EVC2: variants seen among roughly 807,000 people sequenced by gnomAD.
The protein encoded by EVC2 is limbin.
In EVC2, 148 loss-of-function variants were observed where a neutral mutation model predicts 149.3. The observed-to-expected ratio is 0.99, with a 90% confidence interval of 0.87 to 1.14. The LOEUF (loss-of-function observed/expected upper bound fraction) is 1.14, where lower values mean the gene tolerates loss of function less well. EVC2 is among the 50% of genes most tolerant of loss of function. The probability of loss-of-function intolerance (pLI) is 0.00; values close to 1 mark genes in which losing one functional copy is unlikely to be tolerated. For missense variants in EVC2, 1,854 were observed against 1,627.3 expected (o/e 1.14, Z -2.40); for synonymous variants, 776 against 649.9 (o/e 1.19, Z -2.95).
intron 11 of EVC2, among the ~76,000 whole-genome samples, chr4:5,629,808 C>T (rs754518490): frequency 1.3e-5 from 2 of 152,232 alleles, no homozygotes; most frequent in Non-Finnish European, 2.9e-5. Flanking sequence ...CTGCTCTCCA[C>T]CTAGCGGGAT....
intron 16 of EVC2, among the ~76,000 whole-genome samples, chr4:5,588,992 T>C (rs896704567): frequency 1.3e-5 from 2 of 152,210 alleles, no homozygotes; most frequent in African/African-American, 4.8e-5. Flanking sequence ...CAGTTCTGGA[T>C]TGGTTTCAAT....
chr4:5,681,330 GAA>G lies in EVC2; in HGVS notation c.817-19_817-18del. 6.2e-7 allele frequency: 1 copy of G among 1,614,112 alleles called. No homozygotes were observed. Among genetic ancestry groups the G allele is most frequent in the Non-Finnish European group, 8.5e-7 (1 of 1,179,986 alleles). ...TGTTCTGTTCTAGAAAAGGAAAAAA[GAA>G]AACACTTTCAGCAACAGTTTGGGGT... On this transcript the variant is annotated intron_variant, in intron 6 of 21. Coordinates refer to ENST00000344408, the MANE Select transcript of EVC2 (RefSeq NM_147127.5).
At chr4:5,639,434 G>A (rs776532611) in intron 10 of EVC2, among the ~76,000 whole-genome samples, 8 of 152,224 alleles carry the variant, frequency 5.3e-5, no homozygotes, top group Non-Finnish European at 1.0e-4. Context: ...GCTGATTTCT[G>A]AGCAATCTAG....
intron 9 of EVC2, among the ~76,000 whole-genome samples, chr4:5,645,505 C>T (rs780808872): frequency 5.3e-5 from 8 of 151,986 alleles, no homozygotes; most frequent in Admixed American, 2.0e-4. Flanking sequence ...AGTGAGAATA[C>T]GCGGTGTTTG....
intron 18 of EVC2, among the ~76,000 whole-genome samples, chr4:5,575,176 C>A (rs993414460): frequency 6.6e-6 from 1 of 152,276 alleles, no homozygotes. Context: ...AGGATGACAC[C>A]TTTTCACATG....
At chr4:5,662,590 T>C (rs1353060889) in intron 9 of EVC2, among the ~76,000 whole-genome samples, 1 of 144,316 alleles carries the variant, frequency 6.9e-6, no homozygotes, top group African/African-American at 2.5e-5. Flanking sequence ...ATTAATCATA[T>C]TTATTTTAAT....
the EVC2 span, among the ~76,000 whole-genome samples, chr4:5,533,689 C>T: frequency 3.9e-5 from 6 of 152,154 alleles, no homozygotes; most frequent in African/African-American, 1.4e-4. Flanking sequence ...TGCCAGAGTT[C>T]GTTTGCTGGA....
downstream of EVC2, among the ~76,000 whole-genome samples, chr4:5,559,096 G>A (rs187490256): frequency 1.3e-5 from 2 of 152,244 alleles, no homozygotes; most frequent in East Asian, 3.9e-4. This position sits in a 1 kb window ranked among gnomAD's most constrained non-coding sequence, Gnocchi z 5.0. Flanking sequence ...TGTAGTCCCA[G>A]CTACTTGGGA....
chr4:5,694,550 G>A, intron 2 of EVC2, 49 bp from the exon 3 acceptor site: 1 of 1,609,486 alleles, frequency 6.2e-7, no homozygotes. Flanking sequence ...AAGACAGTAA[G>A]ACATAGAACT....
intron 10 of EVC2, 44 bp from the exon 11 acceptor site, chr4:5,632,076 C>CA (rs1560180891): frequency 6.2e-7 from 1 of 1,610,354 alleles, no homozygotes; most frequent in South Asian, 1.1e-5. Context: ...ACACACTGAA[C>CA]ATGCACCTAC....
intron 7 of EVC2, among the ~76,000 whole-genome samples, chr4:5,674,544 G>A (rs1158992819): frequency 1.3e-5 from 2 of 152,114 alleles, no homozygotes; most frequent in Admixed American, 1.3e-4. Context: ...CAATGCATAG[G>A]ACCCCAGCCA....
intron 21 of EVC2, among the ~76,000 whole-genome samples, chr4:5,552,655 C>T (rs1346953584): frequency 6.6e-6 from 1 of 152,170 alleles, no homozygotes; most frequent in Admixed American, 6.5e-5. Flanking sequence ...GAAGCACAAC[C>T]ACAGTTGCCT....
chr4:5,610,587 A>C (rs1714733898), intron 16 of EVC2, among the ~76,000 whole-genome samples: 1 of 152,026 alleles, frequency 6.6e-6, no homozygotes, highest in South Asian at 2.1e-4. Context: ...AATGTAAACC[A>C]TAGACATGAG....
Position 5,618,431 on chromosome 4 carries a change from G to A in EVC2, c.2706+47C>T, listed in dbSNP as rs767035898. The A allele has an allele frequency of 3.1e-6, 5 of 1,608,938 alleles. No homozygotes were observed. The highest frequency in any genetic ancestry group is 3.4e-6 in the Non-Finnish European group (4 of 1,177,394). The stretch of plus-strand genomic sequence containing the variant: ...CCAGACCCTGTAGGGCCAGCAGCTG[G>A]GAGACGGCCCTGCTTCTGTAATCGG... On this transcript the variant is annotated intron_variant, in intron 15 of 21. Coordinates refer to ENST00000344408, the MANE Select transcript of EVC2 (RefSeq NM_147127.5). The surrounding 1 kb of genome is among the most constrained non-coding windows in gnomAD (Gnocchi z 4.4).
intron 9 of EVC2, among the ~76,000 whole-genome samples, chr4:5,651,151 T>C (rs1718116200): frequency 6.6e-6 from 1 of 151,918 alleles, no homozygotes; most frequent in South Asian, 2.1e-4. Context: ...GGATGATGGA[T>C]GTATGAATGG....
At chr4:5,602,362 TA>T (rs1240432252) in intron 16 of EVC2, among the ~76,000 whole-genome samples, 5 of 115,470 alleles carry the variant, frequency 4.3e-5, no homozygotes, top group Admixed American at 8.2e-5. Flanking sequence ...GAAAAGTAAC[TA>T]AAAAGGAAAC....
intron 16 of EVC2, among the ~76,000 whole-genome samples, chr4:5,601,259 T>A (rs189228572): frequency 1.3e-5 from 2 of 151,958 alleles, no homozygotes; most frequent in African/African-American, 2.4e-5. Flanking sequence ...GTAATGAACA[T>A]GGAGGTAAGA....
At chr4:5,656,781 G>C (rs1194436199) in intron 9 of EVC2, among the ~76,000 whole-genome samples, 1 of 152,202 alleles carries the variant, frequency 6.6e-6, no homozygotes, top group African/African-American at 2.4e-5. Context: ...CTGGCCTCCA[G>C]AACAGTGACA....
In EVC2 at chr4:5,686,849, C is replaced by T. The variant is rs114404769; in HGVS notation, c.707-1370G>A. Among the ~76,000 whole-genome samples the T allele has an allele frequency of 7.7e-4, 116 of 151,630 alleles. No homozygotes were observed. The highest frequency in any genetic ancestry group is 1.5e-3 in the Non-Finnish European group (99 of 67,986). Reference sequence around the variant, plus strand: ...ATCAATGTCACATTCCTTGGCGTAGCGGTGAGTTCACAGATAAATATGATT... The same window carrying T: ...ATCAATGTCACATTCCTTGGCGTAGTGGTGAGTTCACAGATAAATATGATT... On this transcript the variant is annotated intron_variant, in intron 5 of 21. Transcript: ENST00000344408. This position sits in a 1 kb window ranked among gnomAD's most constrained non-coding sequence, Gnocchi z 5.4.
Sources: allele counts gnomAD v4.1 joint callset (sites outside exome capture counted in the v4.1 genomes callset), GRCh38; gene constraint gnomAD v4.1.1; non-coding constraint Gnocchi (gnomAD v3.1); transcripts MANE v1.5; gene names NCBI Gene and HGNC (gene_info 2026-07-23, HGNC 2026-07-21).